FNDC3B: variants seen among roughly 807,000 people sequenced by gnomAD.
FNDC3B encodes fibronectin type III domain-containing protein 3B.
FNDC3B carries 12 observed loss-of-function variants against 151.5 expected under a neutral mutation model. That is an observed-to-expected ratio of 0.08 (90% CI 0.05 to 0.13). The LOEUF (loss-of-function observed/expected upper bound fraction) is 0.13, where lower values mean the gene tolerates loss of function less well. FNDC3B is among the 10% of genes least tolerant of loss of function. The pLI is 1.00. For synonymous variants in FNDC3B, 528 were observed against 549.0 expected, an observed-to-expected ratio of 0.96 and a Z score of 0.54; for missense variants, 1,214 against 1,505.3, an observed-to-expected ratio of 0.81 and a Z score of 3.20.
At chr3:172,132,430 G>T (rs891885174) in intron 2 of FNDC3B, among the ~76,000 whole-genome samples, 11 of 152,130 alleles carry the variant, frequency 7.2e-5, no homozygotes, top group African/African-American at 2.7e-4. Context: ...TTTTGAGATG[G>T]AGTCTTGCTC....
chr3:172,042,929 G>A (rs1056688866), intron 1 of FNDC3B, among the ~76,000 whole-genome samples: 1 of 151,400 alleles, frequency 6.6e-6, no homozygotes, highest in Admixed American at 6.6e-5. Context: ...CCGCCTTGCT[G>A]GTTGAGATGG....
chr3:172,340,359 C>T (rs1404215438), intron 16 of FNDC3B, among the ~76,000 whole-genome samples: 1 of 149,726 alleles, frequency 6.7e-6, no homozygotes, highest in Non-Finnish European at 1.5e-5. Context: ...AATCTCGGCT[C>T]ACTGCAACCT....
intron 3 of FNDC3B, among the ~76,000 whole-genome samples, chr3:172,185,450 C>T (rs565586813): frequency 9.7e-6 from 1 of 103,426 alleles, no homozygotes; most frequent in Admixed American, 8.3e-5. Context: ...CAGAGCATTT[C>T]AGCTTTTTAA....
At chr3:172,051,715 C>T (rs1403025913) in intron 1 of FNDC3B, among the ~76,000 whole-genome samples, 1 of 152,034 alleles carries the variant, frequency 6.6e-6, no homozygotes, top group Non-Finnish European at 1.5e-5. Flanking sequence ...CCATGGTGTT[C>T]TTCAGTTTTT....
chr3:172,293,548 C>A (rs1397405108), intron 7 of FNDC3B, among the ~76,000 whole-genome samples: 1 of 151,994 alleles, frequency 6.6e-6, no homozygotes, highest in African/African-American at 2.4e-5. Flanking sequence ...GTCTCAAAGC[C>A]CAAGGGAGGT....
At chr3:172,104,459 A>G (rs1241407604) in intron 1 of FNDC3B, among the ~76,000 whole-genome samples, 2 of 151,784 alleles carry the variant, frequency 1.3e-5, no homozygotes, top group South Asian at 2.1e-4. Context: ...AATTCTAATA[A>G]CAGTTCTTAG....
chr3:172,251,309 G>C lies in FNDC3B; in HGVS notation c.558G>C (p.Gln186His). 1 of 1,613,670 alleles carries C rather than the reference G, an allele frequency of 6.2e-7. No homozygotes were observed. Among genetic ancestry groups the C allele is most frequent in the Non-Finnish European group, 8.5e-7 (1 of 1,179,722 alleles). The change falls in exon 6 of 26, where the codon CAG becomes CAC. Residue 186 changes from glutamine (Q) to histidine (H), a missense_variant. By Grantham distance (24) the Gln-to-His change is conservative. Around this residue, in one of 7 missense-constraint regions of FNDC3B, gnomAD observed 166 missense variants for 173.2 expected, o/e 0.96. Coordinates refer to ENST00000415807, the MANE Select transcript of FNDC3B (RefSeq NM_022763.4). ...CAACCTACATCACCCGAGAAGACCA[G>C]TACAGCAAGCCTCCGCACAAAAAAC... is the stretch of plus-strand genomic sequence containing the variant. ...GMSTYITRED[Q>H]YSKPPHKKLK...
rs74849162 is a variant in FNDC3B at position 172,183,520 on chromosome 3, T to G, written c.188-43351T>G. 1.7e-3 allele frequency among the ~76,000 whole-genome samples: 265 copies of G among 152,344 alleles called. 1 individual carries two copies. The highest frequency in any genetic ancestry group is 6.0e-3 in the African/African-American group (249 of 41,574). On this transcript the variant is annotated intron_variant, in intron 3 of 25. Coordinates refer to ENST00000415807, the MANE Select transcript of FNDC3B (RefSeq NM_022763.4). ...TTGGAAACACAGTTAAGTTGCTTAC[T>G]GGTCTTACTGCTGGTTTGCTTTATA...
At chr3:172,052,556 A>G (rs1241259619) in intron 1 of FNDC3B, among the ~76,000 whole-genome samples, 1 of 152,214 alleles carries the variant, frequency 6.6e-6, no homozygotes, top group Non-Finnish European at 1.5e-5. Context: ...TGCCTTGGAA[A>G]GAACTTGAGG....
chr3:172,096,120 AT>A (rs1363686320), intron 1 of FNDC3B, among the ~76,000 whole-genome samples: 2 of 152,234 alleles, frequency 1.3e-5, no homozygotes, highest in African/African-American at 4.8e-5. Context: ...CTCAGGGTTA[AT>A]TAAGTATTCT....
At chr3:172,064,631 T>C (rs1354032014) in intron 1 of FNDC3B, among the ~76,000 whole-genome samples, 1 of 152,242 alleles carries the variant, frequency 6.6e-6, no homozygotes, top group Non-Finnish European at 1.5e-5. Flanking sequence ...TTCTTTGAAA[T>C]GTAGGAAGTC....
intron 23 of FNDC3B, among the ~76,000 whole-genome samples, chr3:172,368,281 A>G (rs1734726500): frequency 6.6e-6 from 1 of 151,908 alleles, no homozygotes; most frequent in African/African-American, 2.4e-5. Flanking sequence ...TAAAAAAAAA[A>G]AAAAAAAAAA....
At chr3:172,371,772 G>T (rs1734895669) in intron 23 of FNDC3B, among the ~76,000 whole-genome samples, 1 of 152,124 alleles carries the variant, frequency 6.6e-6, no homozygotes, top group African/African-American at 2.4e-5. Context: ...GGGTGATCTT[G>T]GTCACATGCC....
At chr3:172,330,018 A>G (rs984433657) in intron 12 of FNDC3B, 3 of 151,658 alleles carry the variant, frequency 2.0e-5, no homozygotes, top group Non-Finnish European at 2.9e-5. Flanking sequence ...GCCTTGTGCT[A>G]TACCTTCTTT....
intron 11 of FNDC3B, chr3:172,321,580 G>A: frequency 5.4e-6 from 1 of 186,596 alleles, no homozygotes; most frequent in South Asian, 1.2e-4. Context: ...TTGCTCTGTT[G>A]CCCAGGCTGG....
chr3:172,349,126 CAA>C (rs139525185), intron 21 of FNDC3B, among the ~76,000 whole-genome samples: 1 of 138,874 alleles, frequency 7.2e-6, no homozygotes, highest in Non-Finnish European at 1.6e-5. Context: ...CCCTCCTCTA[CAA>C]AAAAAAAAAA....
chr3:172,233,467 T>C (rs1726984681), intron 4 of FNDC3B, among the ~76,000 whole-genome samples: 2 of 152,154 alleles, frequency 1.3e-5, no homozygotes. Flanking sequence ...AAAAATATAT[T>C]TGAATTTTGG....
chr3:172,267,606 T>TA lies in FNDC3B; in HGVS notation c.790+16068dup, dbSNP rs1360412683. On this transcript the variant is annotated intron_variant, in intron 6 of 25. Coordinates refer to ENST00000415807, the MANE Select transcript of FNDC3B (RefSeq NM_022763.4). ...GTATTTTCAGGGCATATTTAATAGT[T>TA]AAATATCAGAATCTGTATAATTCCT... is the stretch of plus-strand genomic sequence containing the variant. Among the ~76,000 whole-genome samples the TA allele has an allele frequency of 9.2e-5, 14 of 152,214 alleles. 1 individual carries two copies. Among genetic ancestry groups the TA allele is most frequent in the Admixed American group, 6.5e-4 (10 of 15,278 alleles).
chr3:172,369,003 T>C (rs1734761437), intron 23 of FNDC3B, among the ~76,000 whole-genome samples: 1 of 152,000 alleles, frequency 6.6e-6, no homozygotes, highest in Non-Finnish European at 1.5e-5. Context: ...AGAGCAAGAC[T>C]CCATCTCAAA....
Sources: gnomAD v4.1 joint callset for allele counts (sites outside exome capture counted in the v4.1 genomes callset) on GRCh38, gnomAD v4.1.1 for gene constraint, gnomAD v4.1.1 regional missense constraint, MANE v1.5 for transcripts, NCBI Gene and HGNC (gene_info 2026-07-23, HGNC 2026-07-21) for gene names.